PLCB1: variants seen among roughly 807,000 people sequenced by gnomAD.
PLCB1 encodes phospholipase C beta 1, also known as 1-phosphatidylinositol 4,5-bisphosphate phosphodiesterase beta-1.
PLCB1 carries 46 observed loss-of-function variants against 161.8 expected under a neutral mutation model. The ratio of observed to expected loss-of-function variants is 0.28; its 90% confidence interval spans 0.22 to 0.36. The LOEUF (loss-of-function observed/expected upper bound fraction) is 0.36, where lower values mean the gene tolerates loss of function less well. Among genes scored for constraint, PLCB1 ranks in the 10% least tolerant of loss-of-function variants. The probability of loss-of-function intolerance (pLI) is 1.00; values close to 1 mark genes in which losing one functional copy is unlikely to be tolerated. For missense variants in PLCB1, 1,016 were observed against 1,472.5 expected (o/e 0.69, Z 5.07); for synonymous variants, 517 against 503.7 (o/e 1.03, Z -0.35).
chr20:8,246,431 G>C (rs959530641), intron 2 of PLCB1, among the ~76,000 whole-genome samples: 4 of 151,918 alleles, frequency 2.6e-5, no homozygotes, highest in Non-Finnish European at 5.9e-5. Context: ...GTAGGGGTAT[G>C]GTTTCAAGAG....
At chr20:8,281,466 G>T (rs188872761) in intron 2 of PLCB1, among the ~76,000 whole-genome samples, 23 of 151,838 alleles carry the variant, frequency 1.5e-4, no homozygotes, top group Admixed American at 1.3e-3. Context: ...CATAGAAATT[G>T]AAGCTGTTTG....
intron 2 of PLCB1, among the ~76,000 whole-genome samples, chr20:8,348,235 G>T (rs185661775): frequency 2.0e-5 from 3 of 152,358 alleles, no homozygotes; most frequent in East Asian, 1.9e-4. Flanking sequence ...TTCAGCAAAT[G>T]CTTGCCTGAT....
chr20:8,480,321 T>C (rs1982449280), intron 3 of PLCB1, among the ~76,000 whole-genome samples: 1 of 149,294 alleles, frequency 6.7e-6, no homozygotes, highest in African/African-American at 2.5e-5. Context: ...AACAACAGAT[T>C]TGGTTAACAC....
At chr20:8,681,356 A>G (rs1413546843) in intron 9 of PLCB1, among the ~76,000 whole-genome samples, 3 of 151,904 alleles carry the variant, frequency 2.0e-5, no homozygotes, top group African/African-American at 7.3e-5. Flanking sequence ...TTCTCAACAC[A>G]AGCACCCAGA....
rs150784439 is a variant in PLCB1 at position 8,674,118 on chromosome 20, A to G, written c.863-10814A>G. The stretch of plus-strand genomic sequence containing the variant: ...ATTTCCTTCAAGGGAAACACAAACT[A>G]AGACACTCCATCCTCATGAAACTCA... On this transcript the variant is annotated intron_variant, in intron 9 of 31. Coordinates refer to ENST00000338037, the MANE Select transcript of PLCB1 (RefSeq NM_015192.4). 3.6e-3 allele frequency among the ~76,000 whole-genome samples: 545 copies of G among 152,324 alleles called. 1 individual carries two copies. The highest frequency in any genetic ancestry group is 0.013 in the African/African-American group (524 of 41,568).
At chr20:8,542,702 G>C (rs780287649) in intron 3 of PLCB1, among the ~76,000 whole-genome samples, 4 of 152,140 alleles carry the variant, frequency 2.6e-5, no homozygotes, top group Non-Finnish European at 4.4e-5. Context: ...GGGAATTATT[G>C]TTTCTCACAC....
intron 2 of PLCB1, among the ~76,000 whole-genome samples, chr20:8,174,226 A>T (rs1256691640): frequency 2.0e-5 from 3 of 152,230 alleles, no homozygotes; most frequent in Non-Finnish European, 2.9e-5. Context: ...AAGGAAAAAA[A>T]TCTTCAAAGC....
intron 12 of PLCB1, among the ~76,000 whole-genome samples, chr20:8,715,525 C>T (rs1385312196): frequency 4.6e-5 from 7 of 152,180 alleles, no homozygotes; most frequent in Non-Finnish European, 8.8e-5. Context: ...CAGACCCTGT[C>T]GCTCAGCTCA....
At chr20:8,159,110 C>T (rs549413732) in intron 2 of PLCB1, among the ~76,000 whole-genome samples, 3 of 152,280 alleles carry the variant, frequency 2.0e-5, no homozygotes, top group East Asian at 3.9e-4. Flanking sequence ...CTGCCCTAGC[C>T]GAGACTCTCC....
chr20:8,749,185 T>A (rs1981325888), intron 23 of PLCB1, among the ~76,000 whole-genome samples: 1 of 152,190 alleles, frequency 6.6e-6, no homozygotes, highest in Admixed American at 6.5e-5. Flanking sequence ...AGCCAAAGTT[T>A]CTGATTCAGT....
Position 8,616,517 on chromosome 20 carries a change from A to T in PLCB1, c.247-11777A>T, listed in dbSNP as rs1436431750. Among the ~76,000 whole-genome samples, 5 of 152,204 alleles carry T rather than the reference A, an allele frequency of 3.3e-5. No homozygotes were observed. The East Asian group carries it at 9.6e-4, about 29-fold the overall frequency. On this transcript the variant is annotated intron_variant, in intron 3 of 31. Coordinates refer to ENST00000338037, the MANE Select transcript of PLCB1 (RefSeq NM_015192.4). ...TTGCACACATTAATGAGGCTGTTTGATTAATTTAATGCCCGTTTCCTTGCC... is the reference window on the plus strand; with the variant it reads ...TTGCACACATTAATGAGGCTGTTTGTTTAATTTAATGCCCGTTTCCTTGCC...
chr20:8,189,306 G>A (rs7268407), intron 2 of PLCB1, among the ~76,000 whole-genome samples: 8,434 of 149,402 alleles, frequency 0.056, 717 homozygotes, highest in African/African-American at 0.18. Flanking sequence ...TAATTTGTTT[G>A]ACTATAGTAA....
At chr20:8,760,697 A>T (rs1981976065) in intron 25 of PLCB1, among the ~76,000 whole-genome samples, 1 of 152,264 alleles carries the variant, frequency 6.6e-6, no homozygotes, top group African/African-American at 2.4e-5. Context: ...GTAGTTTCAC[A>T]AGATAGCTAT....
intron 18 of PLCB1, among the ~76,000 whole-genome samples, chr20:8,732,520 A>G (rs1022851839): frequency 4.7e-5 from 7 of 147,386 alleles, no homozygotes; most frequent in African/African-American, 1.8e-4. Flanking sequence ...AATACATTAT[A>G]TTCTAATATA....
At chr20:8,287,523 A>G (rs1000621063) in intron 2 of PLCB1, among the ~76,000 whole-genome samples, 7 of 152,114 alleles carry the variant, frequency 4.6e-5, no homozygotes, top group African/African-American at 1.7e-4. Flanking sequence ...GATGATTCCT[A>G]CAGGGCTGGA....
chr20:8,518,055 G>A (rs67078113), intron 3 of PLCB1, among the ~76,000 whole-genome samples: 16,018 of 151,876 alleles, frequency 0.11, 1,173 homozygotes, highest in East Asian at 0.2. Context: ...GGTGGCATGC[G>A]CCTGTAGTCC....
At chr20:8,437,088 T>C (rs1372954604) in intron 3 of PLCB1, among the ~76,000 whole-genome samples, 1 of 151,998 alleles carries the variant, frequency 6.6e-6, no homozygotes, top group Non-Finnish European at 1.5e-5. Context: ...CCGAGCCTGG[T>C]CCGTAACCAT....
intron 2 of PLCB1, among the ~76,000 whole-genome samples, chr20:8,257,675 T>A (rs1981496687): frequency 6.6e-6 from 1 of 152,176 alleles, no homozygotes; most frequent in African/African-American, 2.4e-5. Flanking sequence ...CACAGGCCAG[T>A]GATCAATGCC....
intron 31 of PLCB1, among the ~76,000 whole-genome samples, chr20:8,839,497 G>A (rs1022521207): frequency 6.6e-6 from 1 of 152,030 alleles, no homozygotes; most frequent in African/African-American, 2.4e-5. Flanking sequence ...CAGATCCAGT[G>A]GTGTCTAGAT....
Sources: allele counts gnomAD v4.1 joint callset (sites outside exome capture counted in the v4.1 genomes callset), GRCh38; gene constraint gnomAD v4.1.1; transcripts MANE v1.5; gene names NCBI Gene and HGNC (gene_info 2026-07-23, HGNC 2026-07-21).